The following LRRC69 variants were observed in gnomAD, a reference collection of about 807,000 sequenced individuals.
LRRC69 encodes leucine-rich repeat-containing protein 69.
Under a neutral mutation model 37.8 loss-of-function variants are expected in LRRC69, and 42 were observed. The ratio of observed to expected loss-of-function variants is 1.11; its 90% CI spans 0.87 to 1.44. The LOEUF (loss-of-function observed/expected upper bound fraction) is 1.44. LRRC69 is among the 40% of genes most tolerant of loss of function. LRRC69 has a pLI of 0.00. For missense variants in LRRC69, 357 were observed against 401.9 expected, an observed-to-expected ratio of 0.89 and a Z score of 0.96; for synonymous variants, 141 against 143.1, an observed-to-expected ratio of 0.99 and a Z score of 0.11.
chr8:91,150,078 C>T (rs1808703609), intron 5 of LRRC69, among the ~76,000 whole-genome samples: 1 of 151,912 alleles, frequency 6.6e-6, no homozygotes, highest in African/African-American at 2.4e-5. Context: ...CCCTTTATTT[C>T]CTTCTCCTGC....
At chr8:91,173,225 C>A (rs972598047) in intron 5 of LRRC69, among the ~76,000 whole-genome samples, 1 of 151,806 alleles carries the variant, frequency 6.6e-6, no homozygotes, top group African/African-American at 2.4e-5. Flanking sequence ...GTATAGTAAT[C>A]CCTCTGTCTA....
At chr8:91,191,883 T>C (rs913569898) in intron 6 of LRRC69, among the ~76,000 whole-genome samples, 2 of 152,100 alleles carry the variant, frequency 1.3e-5, no homozygotes, top group Non-Finnish European at 2.9e-5. Flanking sequence ...TTAGGGTACA[T>C]GTGCACATTG....
intron 5 of LRRC69, chr8:91,139,342 C>T (rs1252000314): frequency 6.6e-6 from 1 of 151,818 alleles, no homozygotes; most frequent in Non-Finnish European, 1.5e-5. Context: ...GAGATCGAGA[C>T]CATCCTGGCT....
chr8:91,103,411 C>A (rs1813255504), intron 1 of LRRC69, among the ~76,000 whole-genome samples: 1 of 151,834 alleles, frequency 6.6e-6, no homozygotes, highest in African/African-American at 2.4e-5. Flanking sequence ...AAAAAATATT[C>A]TTTTTTAAAG....
intron 1 of LRRC69, among the ~76,000 whole-genome samples, chr8:91,119,764 T>TTAGA (rs1813584168): frequency 6.6e-6 from 1 of 152,000 alleles, no homozygotes; most frequent in Non-Finnish European, 1.5e-5. Flanking sequence ...AAAACAGACA[T>TTAGA]CATCCTTCAG....
At chr8:91,206,853 T>C (rs1468673103) in intron 7 of LRRC69, 3 of 1,287,432 alleles carry the variant, frequency 2.3e-6, no homozygotes, top group African/African-American at 3.0e-5. Flanking sequence ...CCAAGTAATT[T>C]TGCCAATTTC....
intron 7 of LRRC69, chr8:91,206,594 A>G: frequency 1.9e-6 from 2 of 1,027,308 alleles, no homozygotes; most frequent in Non-Finnish European, 2.6e-6. Context: ...TGATGTTCTG[A>G]ACACCTTAGA....
chr8:91,177,850 CT>C (rs10645044), intron 5 of LRRC69, among the ~76,000 whole-genome samples: 108 of 130,810 alleles, frequency 8.3e-4, no homozygotes, highest in East Asian at 4.6e-3. Flanking sequence ...TTCTGCTTTT[CT>C]TTTTTTTTTT....
At chr8:91,103,149 G>A (rs1045789237) in intron 1 of LRRC69, among the ~76,000 whole-genome samples, 1 of 152,184 alleles carries the variant, frequency 6.6e-6, no homozygotes. Context: ...TGGAAACCTG[G>A]ATCTGGTCGT....
At chr8:91,151,243 A>G (rs1334256842) in intron 5 of LRRC69, among the ~76,000 whole-genome samples, 4 of 147,784 alleles carry the variant, frequency 2.7e-5, no homozygotes, top group Admixed American at 6.9e-5. Flanking sequence ...ATTTCCCTCT[A>G]CACAGTGCTT....
chr8:91,151,761 A>G (rs1388334292), intron 5 of LRRC69, among the ~76,000 whole-genome samples: 2 of 151,630 alleles, frequency 1.3e-5, no homozygotes, highest in African/African-American at 4.8e-5. Context: ...ATTCCCACCA[A>G]CAGTGTAAAA....
intron 1 of LRRC69, among the ~76,000 whole-genome samples, chr8:91,104,157 G>A (rs888989208): frequency 2.0e-5 from 3 of 151,908 alleles, no homozygotes; most frequent in Non-Finnish European, 4.4e-5. Flanking sequence ...AGGTCTACAG[G>A]TATCTTTTAC....
intron 1 of LRRC69, among the ~76,000 whole-genome samples, chr8:91,107,098 A>G (rs1272972927): frequency 2.0e-5 from 3 of 149,696 alleles, no homozygotes. Flanking sequence ...CACCCCACCT[A>G]GCCCATAGTG....
At chr8:91,173,240 T>A (rs764816642) in intron 5 of LRRC69, among the ~76,000 whole-genome samples, 5 of 151,912 alleles carry the variant, frequency 3.3e-5, no homozygotes, top group Admixed American at 1.3e-4. Context: ...TGTCTATTGT[T>A]CCCTGATCCC....
intron 5 of LRRC69, among the ~76,000 whole-genome samples, chr8:91,150,328 A>G (rs1190394240): frequency 6.6e-6 from 1 of 152,012 alleles, no homozygotes; most frequent in African/African-American, 2.4e-5. Context: ...CCTTTTCTGC[A>G]TCTATTGAGA....
At chr8:91,158,279 C>T in intron 5 of LRRC69, 2 of 1,527,124 alleles carry the variant, frequency 1.3e-6, no homozygotes, top group South Asian at 1.1e-5. Context: ...TTGTCGAAGA[C>T]ATTACTTGAA....
chr8:91,150,764 CCTGTTATTGGTCTATTCAGAGATT>C, intron 5 of LRRC69, among the ~76,000 whole-genome samples: 1 of 152,018 alleles, frequency 6.6e-6, no homozygotes, highest in African/African-American at 2.4e-5. Context: ...AATTTCAGAG[CCTGTTATTGGTCTATTCAGAGATT>C]CAACTTCTTC....
At chr8:91,156,650 ATTCT>A (rs1017637083) in intron 5 of LRRC69, among the ~76,000 whole-genome samples, 2 of 150,898 alleles carry the variant, frequency 1.3e-5, no homozygotes, top group Non-Finnish European at 3.0e-5. Flanking sequence ...TAAAAAAAAT[ATTCT>A]TTCTATTTTG....
chr8:91,208,874 AC>A (rs1809854075), intron 7 of LRRC69, among the ~76,000 whole-genome samples: 1 of 152,042 alleles, frequency 6.6e-6, no homozygotes, highest in South Asian at 2.1e-4. Flanking sequence ...TCTTCCATGT[AC>A]CCTGTGTCTT....
Sources: gnomAD v4.1 joint callset for allele counts (sites outside exome capture counted in the v4.1 genomes callset) on GRCh38, gnomAD v4.1.1 for gene constraint, MANE v1.5 for transcripts, NCBI Gene and HGNC (gene_info 2026-07-23, HGNC 2026-07-21) for gene names.